RDX: variants seen among roughly 807,000 people sequenced by gnomAD.
RDX encodes the protein deafness, autosomal recessive 24.
Under a neutral mutation model 83.7 loss-of-function variants are expected in RDX, and 32 were observed. That is an observed-to-expected ratio of 0.38 (90% CI 0.29 to 0.51). The LOEUF is 0.51. RDX is among the 20% of genes least tolerant of loss of function. The probability of loss-of-function intolerance (pLI) is 0.87; values close to 1 mark genes in which losing one functional copy is unlikely to be tolerated. For synonymous variants in RDX, 229 were observed against 222.7 expected (o/e 1.03, Z -0.25); for missense variants, 600 against 689.9 (o/e 0.87, Z 1.46).
chr11:110,272,916 G>A (rs1197314493), intron 2 of RDX: 1 of 475,182 alleles, frequency 2.1e-6, no homozygotes, highest in Non-Finnish European at 4.2e-6. Flanking sequence ...TTCACCTAAG[G>A]ACACGTGGAT....
intron 15 of RDX, among the ~76,000 whole-genome samples, chr11:110,196,321 T>C (rs1211082788): frequency 1.3e-5 from 2 of 152,194 alleles, no homozygotes; most frequent in Non-Finnish European, 2.9e-5. Flanking sequence ...TAGTTGATGG[T>C]TGAGTGATGA....
chr11:110,178,046 C>T (rs11825268), intron 15 of RDX, among the ~76,000 whole-genome samples: 2,365 of 152,262 alleles, frequency 0.016, 67 homozygotes, highest in African/African-American at 0.053. Context: ...GCCCTCCCCA[C>T]CCACCATGGC....
At chr11:110,217,382 A>G (rs1212912323) in intron 14 of RDX, among the ~76,000 whole-genome samples, 1 of 152,166 alleles carries the variant, frequency 6.6e-6, no homozygotes, top group Non-Finnish European at 1.5e-5. Context: ...TAGGGCAGGG[A>G]CTTGGCTACT....
chr11:110,262,211 A>C (rs1591163056), intron 5 of RDX, among the ~76,000 whole-genome samples: 1 of 152,320 alleles, frequency 6.6e-6, no homozygotes, highest in East Asian at 1.9e-4. Flanking sequence ...TCTCTTGGTG[A>C]ACAACTTACA....
At position 110,229,781 on chromosome 11, in the gene RDX, G is replaced by A. The variant is rs1184957714; in HGVS notation, c.*2088C>T. The A allele has an allele frequency of 3.3e-5, 5 of 152,360 alleles. No individual in the cohort carries two copies. The highest frequency in any genetic ancestry group is 7.4e-5 in the Non-Finnish European group (5 of 67,896). The allele number at this position is 152,360 out of a possible 1,614,324, so 9.4% of individuals were successfully genotyped here. A position where few individuals can be genotyped will look rare whatever the true frequency, so the allele number is the denominator to read the frequency against. ...ATATAACTGATAATTTTTCAATACT[G>A]TATCAAACTGATGTAGCTATGGTAG... On this transcript the variant is annotated 3_prime_UTR_variant, in exon 14 of 14. Transcript: ENST00000645495.
rs1476464802 is a variant in RDX at position 110,199,478 on chromosome 11, G to A, written c.*31+103C>T. The A allele has an allele frequency of 1.2e-5, 8 of 671,628 alleles. No homozygotes were observed. In the South Asian group the frequency reaches 1.3e-4, roughly 11 times the overall value. 41.6% of individuals were successfully genotyped at this position (671,628 alleles called of 1,614,324 possible). A position where few individuals can be genotyped will look rare whatever the true frequency, so the allele number is the denominator to read the frequency against. ...ATCCACAGGTCCTGTGGATGAACAG[G>A]TTCAGATTTTATGAGGTCCCACCAG... On this transcript the variant is annotated intron_variant, in intron 15 of 15. Transcript: ENST00000528498.
intron 14 of RDX, among the ~76,000 whole-genome samples, chr11:110,205,431 C>CAAAAAA (rs35103862): frequency 8.5e-5 from 4 of 47,058 alleles, no homozygotes; most frequent in Admixed American, 4.6e-4. Flanking sequence ...TTTACCTATC[C>CAAAAAA]AAAAAAAAAA....
chr11:110,197,388 A>G (rs1863241374), intron 15 of RDX, among the ~76,000 whole-genome samples: 1 of 152,168 alleles, frequency 6.6e-6, no homozygotes, highest in African/African-American at 2.4e-5. Context: ...AACTATGGAG[A>G]GGCCCAGCAG....
chr11:110,227,806 CA>C (rs1313680390), downstream of RDX, among the ~76,000 whole-genome samples: 1 of 152,020 alleles, frequency 6.6e-6, no homozygotes, highest in African/African-American at 2.4e-5. Context: ...TCTCCACAGC[CA>C]AAACATAAAC....
Position 110,231,566 on chromosome 11 carries a change from T to G in RDX, c.*303A>C. On this transcript the variant is annotated 3_prime_UTR_variant, in exon 14 of 14. Transcript: ENST00000645495. ...AGAACTGAAACCACACATACACATT[T>G]GTCAGACGTGATAATTAGTGTTAAT... 1 of 395,808 alleles carries G rather than the reference T, an allele frequency of 2.5e-6. No individual in the cohort carries two copies. The allele number at this position is 395,808 out of a possible 1,614,324, so 24.5% of individuals were successfully genotyped here.
At chr11:110,210,382 T>C (rs1241559240) in intron 14 of RDX, among the ~76,000 whole-genome samples, 12 of 119,586 alleles carry the variant, frequency 1.0e-4, no homozygotes, top group African/African-American at 2.1e-4. Flanking sequence ...CTGAAAGTGA[T>C]GGGGAGAATG....
Position 110,236,139 on chromosome 11 carries a change from T to G in RDX, c.1304A>C (p.Lys435Thr), listed in dbSNP as rs1864839413. 1 of 1,612,282 alleles carries G rather than the reference T, an allele frequency of 6.2e-7. No individual in the cohort carries two copies. Among genetic ancestry groups the G allele is most frequent in the South Asian group, 1.1e-5 (1 of 91,022 alleles). Residue 435 changes from lysine to threonine, a missense_variant, in exon 12 of 14, where the codon AAG becomes ACG. Coordinates refer to ENST00000645495, the MANE Select transcript of RDX (RefSeq NM_002906.4). Reference sequence around the variant, plus strand: ...AGTAGCTTCCTCTTCCTTTTTCTTCTTGGCTTCCTCTAGAAGTGCAATCTT... The same window carrying G: ...AGTAGCTTCCTCTTCCTTTTTCTTCGTGGCTTCCTCTAGAAGTGCAATCTT... ...TAKIALLEEA[K>T]KKKEEEATEW... is the part of the protein sequence containing the mutation.
In RDX at chr11:110,235,054, T is replaced by C. The variant is rs149066265; in HGVS notation, c.1344+1045A>G. The stretch of plus-strand genomic sequence containing the variant: ...TGGTTTCATCTACTTAGGACTCATA[T>C]TAGAAATCTCGGTGTCAGCTGCACA... On this transcript the variant is annotated intron_variant, in intron 12 of 13. Coordinates refer to ENST00000645495, the MANE Select transcript of RDX (RefSeq NM_002906.4). 5.9e-5 allele frequency among the ~76,000 whole-genome samples: 9 copies of C among 152,312 alleles called. No homozygotes were observed. In the East Asian group the frequency reaches 1.5e-3, roughly 26 times the overall value.
At chr11:110,191,845 ACT>A (rs1863109174) in intron 15 of RDX, among the ~76,000 whole-genome samples, 1 of 152,104 alleles carries the variant, frequency 6.6e-6, no homozygotes, top group South Asian at 2.1e-4. Context: ...GACAGAGGAG[ACT>A]CTGTCTCAAA....
chr11:110,279,441 A>C (rs1270826327), intron 2 of RDX, among the ~76,000 whole-genome samples: 1 of 152,182 alleles, frequency 6.6e-6, no homozygotes, highest in Non-Finnish European at 1.5e-5. Context: ...CAGGAGAATC[A>C]CTTGAACCCA....
At chr11:110,209,713 C>T (rs1863758027) in intron 14 of RDX, among the ~76,000 whole-genome samples, 1 of 146,886 alleles carries the variant, frequency 6.8e-6, no homozygotes, top group Non-Finnish European at 1.5e-5. Flanking sequence ...GGGAGGCACC[C>T]CCCAGCAGGG....
intron 15 of RDX, among the ~76,000 whole-genome samples, chr11:110,188,052 G>A (rs1476564658): frequency 6.6e-6 from 1 of 152,172 alleles, no homozygotes; most frequent in Non-Finnish European, 1.5e-5. Context: ...CCAGAACTTT[G>A]GGAGGCCGAG....
At chr11:110,259,526 G>C (rs918741072) in intron 5 of RDX, among the ~76,000 whole-genome samples, 1 of 152,194 alleles carries the variant, frequency 6.6e-6, no homozygotes, top group Non-Finnish European at 1.5e-5. Flanking sequence ...CTACTACTTA[G>C]AGTAAATTCC....
intron 14 of RDX, among the ~76,000 whole-genome samples, chr11:110,206,093 T>C (rs1342250625): frequency 1.3e-5 from 2 of 151,790 alleles, no homozygotes; most frequent in East Asian, 3.9e-4. Context: ...CTGTCTCTAC[T>C]AAAAATAAAA....
Sources: gnomAD v4.1 joint callset for allele counts (sites outside exome capture counted in the v4.1 genomes callset) on GRCh38, gnomAD v4.1.1 for gene constraint, MANE v1.5 for transcripts, NCBI Gene and HGNC (gene_info 2026-07-23, HGNC 2026-07-21) for gene names.